The following NCMAP variants were observed in gnomAD, a reference collection of about 807,000 sequenced individuals.
NCMAP encodes non-compact myelin associated protein, also known as noncompact myelin-associated protein.
NCMAP carries 8 observed loss-of-function variants against 7.8 expected under a neutral mutation model. The observed-to-expected ratio is 1.02, with a 90% confidence interval of 0.60 to 1.84. NCMAP has a LOEUF of 1.84. Ranked by LOEUF, NCMAP falls within the 40% of genes most tolerant of loss-of-function variation. The probability of loss-of-function intolerance (pLI) is 0.00; values close to 1 mark genes in which losing one functional copy is unlikely to be tolerated. For missense variants in NCMAP, 112 were observed against 131.4 expected (o/e 0.85, Z 0.72); for synonymous variants, 41 against 52.9 (o/e 0.78, Z 0.98).
chr1:24,591,322 G>C (rs1188122549), intron 1 of NCMAP, among the ~76,000 whole-genome samples: 1 of 152,140 alleles, frequency 6.6e-6, no homozygotes, highest in Admixed American at 6.5e-5. Context: ...CTGGAGTGCA[G>C]TGGCGCAATC....
At chr1:24,595,370 C>A in intron 1 of NCMAP, 54 bp from the exon 2 acceptor site, 1 of 1,260,284 alleles carries the variant, frequency 7.9e-7, no homozygotes, top group Non-Finnish European at 1.1e-6. Flanking sequence ...CATCAAGTAG[C>A]AATAATAAGG....
Position 24,602,824 on chromosome 1 carries a change from G to A in NCMAP, c.167+1800G>A, listed in dbSNP as rs1010534336. ...AATCTCAGCACTTTGGGAGGCTGAG[G>A]CGGGCAGATCACGGGGTCAGGAGTT... On this transcript the variant is annotated intron_variant, in intron 3 of 3. Coordinates refer to ENST00000374392, the MANE Select transcript of NCMAP (RefSeq NM_001010980.5). 1.7e-4 allele frequency among the ~76,000 whole-genome samples: 26 copies of A among 151,858 alleles called. 1 individual carries two copies. Among genetic ancestry groups the A allele is most frequent in the African/African-American group, 6.3e-4 (26 of 41,374 alleles).
chr1:24,573,953 A>G (rs1408269948), intron 1 of NCMAP, among the ~76,000 whole-genome samples: 1 of 22,018 alleles, frequency 4.5e-5, no homozygotes, highest in African/African-American at 1.3e-4. Flanking sequence ...CAGAGAGGAC[A>G]AAAAAAAAAA....
Position 24,605,694 on chromosome 1 carries a change from C to A in NCMAP, c.256C>A (p.His86Asn). ...AVGPNSNGSQ[H>N]PATVTFSPVD... Reference sequence around the variant, plus strand: ...GGGCCCAAACAGCAACGGCAGCCAACACCCAGCAACTGTGACCTTCAGTCC... The same window carrying A: ...GGGCCCAAACAGCAACGGCAGCCAAAACCCAGCAACTGTGACCTTCAGTCC... Residue 86 changes from histidine (H) to asparagine (N), a missense_variant, in exon 4 of 4, where the codon CAC becomes AAC. Physicochemically the swap from His to Asn is moderately conservative, Grantham distance 68. Transcript: ENST00000374392. The A allele has an allele frequency of 6.2e-7, 1 of 1,614,202 alleles. No homozygotes were observed. The highest frequency in any genetic ancestry group is 2.2e-5 in the East Asian group (1 of 44,876).
At chr1:24,587,991 T>A (rs1293375702) in intron 1 of NCMAP, among the ~76,000 whole-genome samples, 1 of 152,098 alleles carries the variant, frequency 6.6e-6, no homozygotes, top group Non-Finnish European at 1.5e-5. Context: ...GGAGGTTTAA[T>A]AGGCAAAAGA....
intron 3 of NCMAP, among the ~76,000 whole-genome samples, chr1:24,602,549 G>A (rs1215828832): frequency 9.4e-6 from 1 of 106,228 alleles, no homozygotes; most frequent in East Asian, 3.0e-4. Flanking sequence ...CCGCCTGGGC[G>A]ACAGAACGAG....
chr1:24,577,008 C>T (rs778925473), intron 1 of NCMAP, among the ~76,000 whole-genome samples: 7 of 152,084 alleles, frequency 4.6e-5, no homozygotes, highest in Non-Finnish European at 8.8e-5. Context: ...CGTGGTGGTG[C>T]ATGCCTGTGA....
chr1:24,581,570 A>G (rs1651746136), intron 1 of NCMAP, among the ~76,000 whole-genome samples: 1 of 152,236 alleles, frequency 6.6e-6, no homozygotes, highest in Non-Finnish European at 1.5e-5. Flanking sequence ...TACTGCACGG[A>G]CTGAGAGTCG....
At chr1:24,584,302 C>T (rs987638747) in intron 1 of NCMAP, among the ~76,000 whole-genome samples, 1 of 152,190 alleles carries the variant, frequency 6.6e-6, no homozygotes. Context: ...ACAATGTCCA[C>T]GGGTCTCTTC....
At chr1:24,604,672 C>A (rs115272292) in intron 3 of NCMAP, among the ~76,000 whole-genome samples, 3,032 of 93,064 alleles carry the variant, frequency 0.033, 184 homozygotes, top group Middle Eastern at 0.11. Flanking sequence ...GATGAAATAC[C>A]ATGAAGACAT....
intron 2 of NCMAP, among the ~76,000 whole-genome samples, chr1:24,597,590 GAA>G (rs1455240438): frequency 0.016 from 1,558 of 96,024 alleles, 147 homozygotes; most frequent in African/African-American, 0.064. Context: ...CAAAAGAGAA[GAA>G]AGAAGAAAGA....
intron 3 of NCMAP, among the ~76,000 whole-genome samples, chr1:24,601,961 A>C (rs573356057): frequency 2.6e-5 from 4 of 152,090 alleles, no homozygotes; most frequent in South Asian, 4.2e-4. Context: ...GAATGGCGTG[A>C]ACCTGGGAGG....
intron 2 of NCMAP, among the ~76,000 whole-genome samples, chr1:24,598,159 G>A (rs538101497): frequency 5.9e-5 from 9 of 152,108 alleles, no homozygotes; most frequent in African/African-American, 1.4e-4. Context: ...TGGATTTCCC[G>A]CCCTCTCTGC....
chr1:24,582,596 C>T lies in NCMAP; in HGVS notation c.-7-12828C>T, dbSNP rs187695566. The stretch of plus-strand genomic sequence containing the variant: ...GCTGGTCTGAAGATGGAGGAAGAAA[C>T]CACGAGCCAAGGAATGCAGGCAGCT... On this transcript the variant is annotated intron_variant, in intron 1 of 3. Coordinates refer to ENST00000374392, the MANE Select transcript of NCMAP (RefSeq NM_001010980.5). Among the ~76,000 whole-genome samples the T allele has an allele frequency of 3.0e-3, 454 of 152,236 alleles. 1 individual carries two copies. Among genetic ancestry groups the T allele is most frequent in the Non-Finnish European group, 4.9e-3 (332 of 68,018 alleles).
intron 3 of NCMAP, among the ~76,000 whole-genome samples, chr1:24,603,130 G>C (rs1652566055): frequency 6.6e-6 from 1 of 152,074 alleles, no homozygotes; most frequent in Non-Finnish European, 1.5e-5. Context: ...TGCCAGGCAT[G>C]GTTCTAAGCT....
At chr1:24,588,711 AC>A (rs1256830884) in intron 1 of NCMAP, among the ~76,000 whole-genome samples, 1 of 152,214 alleles carries the variant, frequency 6.6e-6, no homozygotes, top group Non-Finnish European at 1.5e-5. Context: ...TTTGTAAACA[AC>A]CCAAGAAAAC....
chr1:24,577,411 T>TTG (rs1557596544), intron 1 of NCMAP, among the ~76,000 whole-genome samples: 4 of 118,206 alleles, frequency 3.4e-5, no homozygotes, highest in Non-Finnish European at 5.3e-5. Context: ...GTTTTTTTTT[T>TTG]TTTTTTTTTT....
Position 24,605,641 on chromosome 1 carries a change from GCC to G in NCMAP, c.206_207del (p.Pro69GlnfsTer27). ...ACGAGGCGGGAACTAGAGCCCAAGG[GCC>G]CCAAGCCAACCGCCCCTTCTGCCGT... is the stretch of plus-strand genomic sequence containing the variant. On this transcript the variant is annotated frameshift_variant, in exon 4 of 4. Transcript: ENST00000374392. LOFTEE classifies it high-confidence loss of function. 6.2e-7 allele frequency: 1 copy of G among 1,614,182 alleles called. No individual in the cohort carries two copies. Among genetic ancestry groups the G allele is most frequent in the East Asian group, 2.2e-5 (1 of 44,880 alleles).
rs182010873 is a variant in NCMAP, at chr1:24,605,539, C to T, written c.168-67C>T. Reference sequence around the variant, plus strand: ...TTAATCTGTTGGCCAGAACTGTAGTCGCAGAGCCCATTCCCCGCGGCATAC... The same window carrying T: ...TTAATCTGTTGGCCAGAACTGTAGTTGCAGAGCCCATTCCCCGCGGCATAC... On this transcript the variant is annotated intron_variant, in intron 3 of 3. Coordinates refer to ENST00000374392, the MANE Select transcript of NCMAP (RefSeq NM_001010980.5). 521 of 1,562,866 alleles carry T rather than the reference C, an allele frequency of 3.3e-4. 1 individual carries two copies. In the African/African-American group the frequency reaches 5.9e-3, roughly 18 times the overall value.
Sources: gnomAD v4.1 joint callset for allele counts (sites outside exome capture counted in the v4.1 genomes callset) on GRCh38, gnomAD v4.1.1 for gene constraint, MANE v1.5 for transcripts, NCBI Gene and HGNC (gene_info 2026-07-23, HGNC 2026-07-21) for gene names.